Variants in XKR9 observed in about 807,000 individuals in gnomAD.
XKR9 encodes XK-related protein 9.
XKR9 carries 32 observed loss-of-function variants against 32.0 expected under a neutral mutation model. The observed-to-expected ratio is 1.00, with a 90% CI of 0.76 to 1.34. XKR9 has a LOEUF of 1.34. Among genes scored for constraint, XKR9 ranks in the 40% most tolerant of loss-of-function variants. The probability of loss-of-function intolerance (pLI) is 0.00; values close to 1 mark genes in which losing one functional copy is unlikely to be tolerated. For synonymous variants in XKR9, 168 were observed against 143.4 expected (o/e 1.17, Z -1.22); for missense variants, 546 against 429.7 (o/e 1.27, Z -2.39).
At chr8:70,772,074 G>T (rs1370704329) in intron 2 of XKR9, among the ~76,000 whole-genome samples, 2 of 152,144 alleles carry the variant, frequency 1.3e-5, no homozygotes, top group South Asian at 4.1e-4. Context: ...GTCCATCCAA[G>T]TACCAGACTT....
the XKR9 span, among the ~76,000 whole-genome samples, chr8:70,817,470 TCA>T: frequency 2.0e-5 from 3 of 152,040 alleles, no homozygotes; most frequent in African/African-American, 7.2e-5. Flanking sequence ...CTGAAAGAAA[TCA>T]CAGATAATAC....
the XKR9 span, among the ~76,000 whole-genome samples, chr8:70,922,278 G>C: frequency 6.6e-6 from 1 of 152,208 alleles, no homozygotes. Context: ...TGGCAGAGCT[G>C]ATGGGGTAAA....
At chr8:70,917,556 T>C in the XKR9 span, among the ~76,000 whole-genome samples, 1 of 152,216 alleles carries the variant, frequency 6.6e-6, no homozygotes, top group Non-Finnish European at 1.5e-5. Flanking sequence ...AATGATGGGC[T>C]TATCAGGATG....
At chr8:70,892,150 A>G in the XKR9 span, among the ~76,000 whole-genome samples, 1 of 151,972 alleles carries the variant, frequency 6.6e-6, no homozygotes, top group African/African-American at 2.4e-5. Flanking sequence ...GTGTCTTTTT[A>G]GGTGACATGA....
intron 3 of XKR9, among the ~76,000 whole-genome samples, chr8:70,699,641 G>T (rs1350022694): frequency 6.6e-6 from 1 of 152,128 alleles, no homozygotes; most frequent in Non-Finnish European, 1.5e-5. Flanking sequence ...CAACTTTGGT[G>T]AATCTGACAA....
At chr8:71,013,523 T>C in the XKR9 span, among the ~76,000 whole-genome samples, 1 of 152,282 alleles carries the variant, frequency 6.6e-6, no homozygotes, top group African/African-American at 2.4e-5. Flanking sequence ...ACAAGTTGGT[T>C]AATGAGAAGC....
chr8:70,957,029 G>T, the XKR9 span, among the ~76,000 whole-genome samples: 1 of 152,322 alleles, frequency 6.6e-6, no homozygotes, highest in East Asian at 1.9e-4. Context: ...GAAGTGTGCA[G>T]CCCCAGCTGC....
intron 3 of XKR9, among the ~76,000 whole-genome samples, chr8:70,687,830 C>T (rs1194592040): frequency 6.6e-6 from 1 of 152,056 alleles, no homozygotes; most frequent in African/African-American, 2.4e-5. Context: ...TGATTTCAAT[C>T]TTTTGAAATT....
chr8:70,759,565 G>A (rs749653160), intron 2 of XKR9, among the ~76,000 whole-genome samples: 2 of 152,078 alleles, frequency 1.3e-5, no homozygotes, highest in African/African-American at 4.8e-5. Flanking sequence ...TGAAGGTATG[G>A]TTATGACATC....
At chr8:71,012,462 C>T in the XKR9 span, among the ~76,000 whole-genome samples, 1 of 152,116 alleles carries the variant, frequency 6.6e-6, no homozygotes, top group African/African-American at 2.4e-5. Flanking sequence ...GCTTTTGGCT[C>T]CAAACACTTT....
chr8:70,809,414 C>T, the XKR9 span, among the ~76,000 whole-genome samples: 4 of 152,180 alleles, frequency 2.6e-5, no homozygotes, highest in East Asian at 1.9e-4. Context: ...GAACGCAGCT[C>T]CTCACCAGCA....
At chr8:70,706,026 GC>G (rs1295199759) in intron 3 of XKR9, among the ~76,000 whole-genome samples, 1 of 152,172 alleles carries the variant, frequency 6.6e-6, no homozygotes, top group Non-Finnish European at 1.5e-5. Flanking sequence ...TTTGGTCTGA[GC>G]AATATAGTGA....
chr8:70,744,421 ATAT>A (rs1453055156), intron 2 of XKR9, among the ~76,000 whole-genome samples: 2 of 152,098 alleles, frequency 1.3e-5, no homozygotes, highest in Non-Finnish European at 2.9e-5. Context: ...TGCAATATAG[ATAT>A]TATTATCATC....
At chr8:70,893,142 G>A in the XKR9 span, among the ~76,000 whole-genome samples, 1 of 151,044 alleles carries the variant, frequency 6.6e-6, no homozygotes, top group Non-Finnish European at 1.5e-5. Context: ...TTTTTTCATT[G>A]TACTTCATTC....
chr8:70,734,579 A>G lies in XKR9; in HGVS notation c.*155A>G. 9.7e-7 allele frequency: 1 copy of G among 1,034,592 alleles called. No individual in the cohort carries two copies. Among genetic ancestry groups the G allele is most frequent in the Middle Eastern group, 3.6e-4 (1 of 2,748 alleles). The allele number at this position is 1,034,592 out of a possible 1,614,324, so 64.1% of individuals were successfully genotyped here. A position where few individuals can be genotyped will look rare whatever the true frequency, so the allele number is the denominator to read the frequency against. ...GATACATAGTAGTATTTTATTTTTA[A>G]AATTAATTTCTCATTTGGTTTTGAA... On this transcript the variant is annotated 3_prime_UTR_variant, in exon 5 of 5. Coordinates refer to ENST00000408926, the MANE Select transcript of XKR9 (RefSeq NM_001011720.2).
At chr8:70,892,461 A>G in the XKR9 span, among the ~76,000 whole-genome samples, 2 of 151,930 alleles carry the variant, frequency 1.3e-5, no homozygotes, top group Non-Finnish European at 2.9e-5. Context: ...TTTTTATGAT[A>G]GTGATTATTA....
intron 2 of XKR9, among the ~76,000 whole-genome samples, chr8:70,764,481 CT>C (rs1807348851): frequency 6.6e-6 from 1 of 152,122 alleles, no homozygotes; most frequent in African/African-American, 2.4e-5. Flanking sequence ...AAAGAATAAG[CT>C]TTCACATTTC....
chr8:70,756,252 A>T (rs923489346), intron 2 of XKR9, among the ~76,000 whole-genome samples: 1 of 152,178 alleles, frequency 6.6e-6, no homozygotes, highest in Non-Finnish European at 1.5e-5. Context: ...TCAGTACTAC[A>T]CTGTTGATTA....
chr8:71,009,232 G>A, the XKR9 span, among the ~76,000 whole-genome samples: 6 of 152,140 alleles, frequency 3.9e-5, no homozygotes, highest in African/African-American at 1.4e-4. Context: ...ATGGCCCATG[G>A]GCCGCATGCA....
Sources: gnomAD v4.1 joint callset for allele counts (sites outside exome capture counted in the v4.1 genomes callset) on GRCh38, gnomAD v4.1.1 for gene constraint, MANE v1.5 for transcripts, NCBI Gene and HGNC (gene_info 2026-07-23, HGNC 2026-07-21) for gene names.